The following TOGARAM2 variants were observed in gnomAD, a reference collection of about 807,000 sequenced individuals.
TOGARAM2 encodes the protein TOG array regulator of axonemal microtubules 2.
TOGARAM2 carries 85 observed loss-of-function variants against 93.3 expected under a neutral mutation model. That is an observed-to-expected ratio of 0.91 (90% CI 0.76 to 1.09). TOGARAM2 has a LOEUF of 1.09. TOGARAM2 is among the 50% of genes least tolerant of loss of function. The pLI is 0.00. For synonymous variants in TOGARAM2, 593 were observed against 552.8 expected (o/e 1.07, Z -1.02); for missense variants, 1,277 against 1,334.5 (o/e 0.96, Z 0.67).
intron 1 of TOGARAM2, among the ~76,000 whole-genome samples, chr2:28,975,675 A>C (rs2148227202): frequency 6.6e-6 from 1 of 152,208 alleles, no homozygotes; most frequent in East Asian, 1.9e-4. Flanking sequence ...TGGTATAATG[A>C]GTGGTTTTCA....
Position 28,994,712 on chromosome 2 carries a change from C to T in TOGARAM2, c.-110-13C>T. ...TGCTTTTACTGACTTCTCCTTTCTC[C>T]TCTCACCCTTAGGTCCCGGATGTTA... On this transcript the variant is annotated splice_polypyrimidine_tract_variant and intron_variant, in intron 1 of 19. Coordinates refer to ENST00000379558, the MANE Select transcript of TOGARAM2 (RefSeq NM_199280.4). The T allele has an allele frequency of 1.0e-6, 1 of 962,874 alleles. No individual in the cohort carries two copies. Among genetic ancestry groups the T allele is most frequent in the South Asian group, 1.5e-5 (1 of 65,804 alleles). 59.6% of individuals were successfully genotyped at this position (962,874 alleles called of 1,614,324 possible).
chr2:29,003,471 C>T (rs1178914587), intron 5 of TOGARAM2, 21 bp from the exon 6 acceptor site: 1 of 1,476,002 alleles, frequency 6.8e-7, no homozygotes, highest in Admixed American at 2.3e-5. Flanking sequence ...GGCCAGACCC[C>T]TGTCCCGCCT....
chr2:29,042,910 T>A (rs1210759102), intron 18 of TOGARAM2, among the ~76,000 whole-genome samples: 1 of 152,126 alleles, frequency 6.6e-6, no homozygotes, highest in Non-Finnish European at 1.5e-5. Flanking sequence ...ACAAGTGGAG[T>A]TATACGTCTG....
At chr2:29,006,969 C>T (rs1419287688) in intron 6 of TOGARAM2, among the ~76,000 whole-genome samples, 1 of 152,126 alleles carries the variant, frequency 6.6e-6, no homozygotes, top group Non-Finnish European at 1.5e-5. Flanking sequence ...CATGGATGGC[C>T]CTTGAATTTT....
chr2:28,989,926 C>T (rs1056874425), intron 1 of TOGARAM2, among the ~76,000 whole-genome samples: 3 of 152,188 alleles, frequency 2.0e-5, no homozygotes, highest in African/African-American at 4.8e-5. Context: ...ATCTTAGTAC[C>T]TATGGCATGT....
chr2:29,001,310 G>C (rs867280139), intron 4 of TOGARAM2, among the ~76,000 whole-genome samples: 10 of 152,084 alleles, frequency 6.6e-5, no homozygotes, highest in South Asian at 6.2e-4. Flanking sequence ...TGCAGGAACA[G>C]AGATGATATT....
chr2:29,020,302 T>C (rs1028587392), intron 10 of TOGARAM2, among the ~76,000 whole-genome samples: 2 of 152,302 alleles, frequency 1.3e-5, no homozygotes, highest in Admixed American at 6.5e-5. Flanking sequence ...AAGTTGTTTA[T>C]TGTAACTAGG....
intron 1 of TOGARAM2, among the ~76,000 whole-genome samples, chr2:28,985,790 C>T (rs11676763): frequency 0.25 from 37,859 of 152,028 alleles, 5,320 homozygotes; most frequent in East Asian, 0.62. Flanking sequence ...GTACAGTCAT[C>T]GTCTAAAACA....
At chr2:28,998,305 G>A (rs367947471) in intron 3 of TOGARAM2, 52 bp downstream of exon 3, 27 of 1,341,978 alleles carry the variant, frequency 2.0e-5, no homozygotes, top group Middle Eastern at 1.8e-4. Context: ...ATCCTGGAGC[G>A]GGGAGTGAGT....
At chr2:29,004,739 CATGT>C (rs1338541389) in intron 6 of TOGARAM2, among the ~76,000 whole-genome samples, 5 of 51,392 alleles carry the variant, frequency 9.7e-5, no homozygotes, top group Non-Finnish European at 2.7e-4. Flanking sequence ...TGAGTGCATG[CATGT>C]GTGTGTGTGT....
At chr2:28,988,703 C>A (rs1029124073) in intron 1 of TOGARAM2, among the ~76,000 whole-genome samples, 1 of 152,200 alleles carries the variant, frequency 6.6e-6, no homozygotes, top group Non-Finnish European at 1.5e-5. Flanking sequence ...CAACCTCTCT[C>A]CTGCCTTTCT....
intron 1 of TOGARAM2, among the ~76,000 whole-genome samples, chr2:28,957,197 TTTTG>T (rs771458556): frequency 2.1e-4 from 32 of 152,226 alleles, no homozygotes; most frequent in African/African-American, 6.7e-4. Flanking sequence ...ATTGATTTCT[TTTTG>T]TTTGTTTGTT....
intron 14 of TOGARAM2, among the ~76,000 whole-genome samples, chr2:29,029,281 ACACACACACACACACACT>A (rs984594841): frequency 6.6e-6 from 1 of 152,100 alleles, no homozygotes; most frequent in Non-Finnish European, 1.5e-5. Context: ...ACACACACAC[ACACACACACACACACACT>A]GGAATACTTA....
chr2:28,962,581 T>C lies in TOGARAM2; in HGVS notation c.-147+5884T>C, dbSNP rs368891184. 2.7e-4 allele frequency among the ~76,000 whole-genome samples: 41 copies of C among 152,300 alleles called. 1 individual carries two copies. Among genetic ancestry groups the C allele is most frequent in the East Asian group, 2.5e-3 (13 of 5,184 alleles). ...TTTGTCCTTATTGCCAAGTGGTATG[T>C]GTTGGTATGGATATGCCACAAGTTG... On this transcript the variant is annotated intron_variant, in intron 1 of 6. Transcript: ENST00000401723.
At chr2:29,005,912 T>G (rs1663746684) in intron 6 of TOGARAM2, among the ~76,000 whole-genome samples, 1 of 149,114 alleles carries the variant, frequency 6.7e-6, no homozygotes, top group Non-Finnish European at 1.5e-5. Flanking sequence ...TGCGTGTGTG[T>G]AAGTGCATGT....
chr2:28,999,528 C>G, intron 4 of TOGARAM2, 60 bp downstream of exon 4: 1 of 1,499,708 alleles, frequency 6.7e-7, no homozygotes, highest in Admixed American at 2.3e-5. Flanking sequence ...GGCCGCAGGC[C>G]TCCAGGGCTG....
At chr2:28,963,865 G>T (rs747626731) in intron 1 of TOGARAM2, among the ~76,000 whole-genome samples, 22 of 152,116 alleles carry the variant, frequency 1.4e-4, no homozygotes, top group Admixed American at 8.5e-4. Flanking sequence ...AAAATTAGCT[G>T]GGCATGGTAG....
At chr2:29,027,577 A>G (rs1665484632) in intron 14 of TOGARAM2, among the ~76,000 whole-genome samples, 1 of 149,474 alleles carries the variant, frequency 6.7e-6, no homozygotes, top group African/African-American at 2.5e-5. Context: ...TGGGCAACAT[A>G]GTAAGATCCT....
chr2:28,957,927 G>A (rs1398061542), intron 1 of TOGARAM2, among the ~76,000 whole-genome samples: 1 of 152,154 alleles, frequency 6.6e-6, no homozygotes, highest in Non-Finnish European at 1.5e-5. Context: ...ATGGCATAGG[G>A]ATGAGTAGGG....
Sources: allele counts gnomAD v4.1 joint callset (sites outside exome capture counted in the v4.1 genomes callset), GRCh38; gene constraint gnomAD v4.1.1; transcripts MANE v1.5; gene names NCBI Gene and HGNC (gene_info 2026-07-23, HGNC 2026-07-21).